The following CALN1 variants were observed in gnomAD, a reference collection of about 807,000 sequenced individuals.
The protein encoded by CALN1 is calcium-binding protein 8.
In CALN1, 17 loss-of-function variants were observed where a neutral mutation model predicts 30.6. The ratio of observed to expected loss-of-function variants is 0.56; its 90% CI spans 0.38 to 0.83. The LOEUF is 0.83. CALN1 is among the 40% of genes least tolerant of loss of function. CALN1 has a pLI of 0.00. For missense variants in CALN1, 291 were observed against 354.9 expected (o/e 0.82, Z 1.45); for synonymous variants, 156 against 131.4 (o/e 1.19, Z -1.28).
chr7:72,009,270 T>C (rs759849017), intron 5 of CALN1, among the ~76,000 whole-genome samples: 6 of 152,182 alleles, frequency 3.9e-5, no homozygotes, highest in Non-Finnish European at 5.9e-5. Context: ...GAACTAACAA[T>C]GACACTTGTA....
rs1008272182 is a variant in CALN1 at position 72,106,020 on chromosome 7, G to T, written c.388+131C>A. ...AAAGTTACTGAAAAAGCCTGTTCTA[G>T]TCCAAGTTTCTGCTTCTCAAATGTA... On this transcript the variant is annotated intron_variant, in intron 4 of 6. Coordinates refer to ENST00000395275, the MANE Select transcript of CALN1 (RefSeq NM_031468.4). 4.0e-6 allele frequency: 5 copies of T among 1,258,868 alleles called. No homozygotes were observed. In the African/African-American group the frequency reaches 6.0e-5, roughly 15 times the overall value. 78.0% of individuals were successfully genotyped at this position (1,258,868 alleles called of 1,614,324 possible). A position where few individuals can be genotyped will look rare whatever the true frequency, so the allele number is the denominator to read the frequency against.
At chr7:72,117,859 G>A (rs1004692521) in intron 3 of CALN1, among the ~76,000 whole-genome samples, 1 of 151,668 alleles carries the variant, frequency 6.6e-6, no homozygotes, top group Admixed American at 6.6e-5. Flanking sequence ...TCAGGAGGCT[G>A]AGGCAGGAGA....
intron 5 of CALN1, among the ~76,000 whole-genome samples, chr7:71,952,833 C>T (rs1231065138): frequency 6.6e-6 from 1 of 152,182 alleles, no homozygotes; most frequent in Admixed American, 6.5e-5. Context: ...ATTCAAAGCT[C>T]ATCAATACCT....
intron 1 of CALN1, among the ~76,000 whole-genome samples, chr7:72,410,007 G>C (rs533165076): frequency 9.9e-5 from 15 of 152,134 alleles, no homozygotes; most frequent in African/African-American, 3.4e-4. Flanking sequence ...CCCACAAAAA[G>C]AATTTATTTT....
intron 5 of CALN1, among the ~76,000 whole-genome samples, chr7:71,869,619 T>C (rs189539557): frequency 1.5e-4 from 23 of 152,328 alleles, no homozygotes; most frequent in Admixed American, 3.9e-4. Context: ...AGGTAATCAA[T>C]ATTTTTAAAT....
At chr7:71,790,350 A>G (rs1214643413) in intron 6 of CALN1, among the ~76,000 whole-genome samples, 2 of 98,756 alleles carry the variant, frequency 2.0e-5, no homozygotes, top group South Asian at 3.6e-4. Context: ...AAGAAAGAAA[A>G]GAAAGAAAGA....
intron 5 of CALN1, among the ~76,000 whole-genome samples, chr7:71,843,149 T>A (rs1790034201): frequency 6.6e-6 from 1 of 152,192 alleles, no homozygotes; most frequent in Non-Finnish European, 1.5e-5. Context: ...TTTCTACATC[T>A]TCTTATTCTC....
At chr7:72,040,588 T>G (rs912391905) in intron 4 of CALN1, among the ~76,000 whole-genome samples, 5 of 152,226 alleles carry the variant, frequency 3.3e-5, no homozygotes, top group Admixed American at 3.3e-4. Context: ...ATGGTTGTAT[T>G]TGGAGACAAG....
At chr7:72,269,571 C>A (rs1796836554) in intron 3 of CALN1, among the ~76,000 whole-genome samples, 2 of 152,284 alleles carry the variant, frequency 1.3e-5, no homozygotes, top group South Asian at 2.1e-4. Context: ...GTACTCCAGG[C>A]ATCCAGCTAA....
At chr7:72,060,288 C>T (rs979990885) in intron 4 of CALN1, among the ~76,000 whole-genome samples, 1 of 152,166 alleles carries the variant, frequency 6.6e-6, no homozygotes, top group Non-Finnish European at 1.5e-5. Flanking sequence ...GGAACAAATG[C>T]CTGATGCCTT....
chr7:72,386,501 A>C (rs778143144), intron 2 of CALN1, among the ~76,000 whole-genome samples: 1 of 152,228 alleles, frequency 6.6e-6, no homozygotes, highest in African/African-American at 2.4e-5. Flanking sequence ...AACTAGACCT[A>C]AACAAGCAAA....
chr7:72,071,501 G>GA (rs113485279), intron 4 of CALN1, among the ~76,000 whole-genome samples: 31 of 151,244 alleles, frequency 2.0e-4, no homozygotes, highest in East Asian at 9.7e-4. Flanking sequence ...GGAGAAATAA[G>GA]AAAAAAAAAT....
chr7:71,996,758 C>T (rs991933889), intron 5 of CALN1, among the ~76,000 whole-genome samples: 1 of 152,046 alleles, frequency 6.6e-6, no homozygotes, highest in Admixed American at 6.6e-5. Context: ...CACTGTCCTG[C>T]ACATGTATCC....
intron 5 of CALN1, among the ~76,000 whole-genome samples, chr7:72,008,089 G>A (rs1298649564): frequency 6.6e-6 from 1 of 152,112 alleles, no homozygotes; most frequent in Non-Finnish European, 1.5e-5. Flanking sequence ...TGGATCAGTA[G>A]CTCTATTTCT....
chr7:71,968,195 T>C (rs1216986470), intron 5 of CALN1, among the ~76,000 whole-genome samples: 1 of 151,952 alleles, frequency 6.6e-6, no homozygotes, highest in Non-Finnish European at 1.5e-5. Context: ...AGTACACTCC[T>C]GAACAAAAAA....
intron 2 of CALN1, among the ~76,000 whole-genome samples, chr7:72,356,761 TAA>T (rs1803256679): frequency 6.6e-6 from 1 of 152,070 alleles, no homozygotes; most frequent in East Asian, 1.9e-4. Context: ...AATTACAACA[TAA>T]GAGAAGAAAA....
At chr7:72,287,589 G>A (rs923686947) in intron 2 of CALN1, among the ~76,000 whole-genome samples, 1 of 151,552 alleles carries the variant, frequency 6.6e-6, no homozygotes, top group Non-Finnish European at 1.5e-5. Context: ...TGGGACTACT[G>A]GCGCCCGCCA....
chr7:72,038,937 T>C (rs1051262566), intron 4 of CALN1, among the ~76,000 whole-genome samples: 15 of 152,320 alleles, frequency 9.8e-5, no homozygotes, highest in Middle Eastern at 3.4e-3. Context: ...GTAGCCGTTC[T>C]TTTATTCCTT....
At chr7:72,337,043 G>A in intron 2 of CALN1, 2 of 985,700 alleles carry the variant, frequency 2.0e-6, no homozygotes, top group Non-Finnish European at 2.4e-6. Flanking sequence ...TGCACCGCGC[G>A]CTCCTCTACC....
Sources: gnomAD v4.1 joint callset for allele counts (sites outside exome capture counted in the v4.1 genomes callset) on GRCh38, gnomAD v4.1.1 for gene constraint, MANE v1.5 for transcripts, NCBI Gene and HGNC (gene_info 2026-07-23, HGNC 2026-07-21) for gene names.